MPP7: variants seen among roughly 807,000 people sequenced by gnomAD.
MPP7 encodes MAGUK p55 scaffold protein 7.
In MPP7, 60 loss-of-function variants were observed where a neutral mutation model predicts 76.5. The ratio of observed to expected loss-of-function variants is 0.78; its 90% CI spans 0.64 to 0.97. MPP7 has a LOEUF of 0.97. MPP7 is among the 50% of genes least tolerant of loss of function. The pLI is 0.00. For synonymous variants in MPP7, 237 were observed against 244.5 expected (o/e 0.97, Z 0.29); for missense variants, 641 against 694.0 (o/e 0.92, Z 0.86).
At chr10:28,241,568 T>C (rs1362028665) in intron 1 of MPP7, among the ~76,000 whole-genome samples, 1 of 152,202 alleles carries the variant, frequency 6.6e-6, no homozygotes, top group Non-Finnish European at 1.5e-5. Context: ...CTTTGGAATT[T>C]GTCGGAACGC....
At chr10:28,333,142 TTTTA>T (rs937007647) in intron 1 of MPP7, among the ~76,000 whole-genome samples, 2 of 152,116 alleles carry the variant, frequency 1.3e-5, no homozygotes, top group Non-Finnish European at 2.9e-5. Flanking sequence ...TTCTAATTCT[TTTTA>T]TTTATTTATT....
chr10:28,148,027 G>A (rs544084400), intron 4 of MPP7, among the ~76,000 whole-genome samples: 6 of 152,296 alleles, frequency 3.9e-5, no homozygotes, highest in African/African-American at 1.4e-4. Flanking sequence ...GCTGTTTAGA[G>A]CTAGGGTAAA....
intron 11 of MPP7, among the ~76,000 whole-genome samples, chr10:28,096,041 T>G (rs956459545): frequency 7.9e-5 from 12 of 152,214 alleles, no homozygotes; most frequent in Non-Finnish European, 1.2e-4. Flanking sequence ...CAGTAGAAAA[T>G]TTATGATGAC....
intron 12 of MPP7, among the ~76,000 whole-genome samples, chr10:28,083,349 C>T (rs561821975): frequency 2.6e-5 from 4 of 152,124 alleles, no homozygotes; most frequent in African/African-American, 9.7e-5. Flanking sequence ...CAGTGTCGTG[C>T]TGTACACAGG....
chr10:28,098,504 T>C (rs1469266656), intron 11 of MPP7, among the ~76,000 whole-genome samples: 2 of 151,684 alleles, frequency 1.3e-5, no homozygotes, highest in African/African-American at 4.8e-5. Flanking sequence ...TAATATTATA[T>C]ATGTTTCAAA....
At chr10:28,105,496 T>A (rs891076712) in intron 11 of MPP7, among the ~76,000 whole-genome samples, 1 of 152,144 alleles carries the variant, frequency 6.6e-6, no homozygotes, top group Non-Finnish European at 1.5e-5. Flanking sequence ...GAATCAGTTA[T>A]AATGCAGCTC....
Position 28,143,896 on chromosome 10 carries a change from TGTGTGTGA to T in MPP7, c.315+3579_315+3586del, listed in dbSNP as rs1221848351. 5.6e-3 allele frequency among the ~76,000 whole-genome samples: 469 copies of T among 84,030 alleles called. 5 individuals carry two copies. The highest frequency in any genetic ancestry group is 0.018 in the East Asian group (31 of 1,728). The allele number at this position is 84,030 out of a possible 152,430, so 55.1% of individuals were successfully genotyped here. On this transcript the variant is annotated intron_variant, in intron 5 of 16. Coordinates refer to ENST00000683449, the MANE Select transcript of MPP7 (RefSeq NM_001318170.2). ...GTGTGTGTGTGTGTGTGTGTGTGTG[TGTGTGTGA>T]GACTGAGTTTCACTCTTTCACCCAG... is the stretch of plus-strand genomic sequence containing the variant.
At chr10:28,258,546 T>C in intron 1 of MPP7, among the ~76,000 whole-genome samples, 1 of 151,210 alleles carries the variant, frequency 6.6e-6, no homozygotes, top group Non-Finnish European at 1.5e-5. Context: ...ATTACAGGCA[T>C]GCCCCACCAC....
intron 11 of MPP7, among the ~76,000 whole-genome samples, chr10:28,107,444 T>G (rs1004871468): frequency 2.0e-5 from 3 of 152,128 alleles, no homozygotes; most frequent in Non-Finnish European, 4.4e-5. Context: ...ATTCTTTCTA[T>G]TTTTGAGAGA....
At chr10:28,065,437 T>C (rs189069308) in intron 13 of MPP7, among the ~76,000 whole-genome samples, 1 of 152,316 alleles carries the variant, frequency 6.6e-6, no homozygotes, top group East Asian at 1.9e-4. Context: ...TGCCTAATTG[T>C]AATGAGTTCC....
At chr10:28,252,818 T>C (rs1427908107) in intron 1 of MPP7, among the ~76,000 whole-genome samples, 2 of 152,180 alleles carry the variant, frequency 1.3e-5, no homozygotes, top group Non-Finnish European at 2.9e-5. Context: ...CTTCCATTTC[T>C]GACATCCACG....
chr10:28,065,203 T>G (rs1050125318), intron 13 of MPP7, among the ~76,000 whole-genome samples: 23 of 152,312 alleles, frequency 1.5e-4, no homozygotes, highest in African/African-American at 5.3e-4. Flanking sequence ...ACACTTTGGT[T>G]GAAAATCTGC....
intron 1 of MPP7, among the ~76,000 whole-genome samples, chr10:28,290,590 G>C (rs756741340): frequency 2.0e-5 from 3 of 151,870 alleles, no homozygotes; most frequent in Admixed American, 2.0e-4. Context: ...CTCCTGTCTC[G>C]GCCTCCCGAG....
At chr10:28,308,574 T>C (rs1429944492) in intron 2 of MPP7, among the ~76,000 whole-genome samples, 1 of 152,216 alleles carries the variant, frequency 6.6e-6, no homozygotes, top group African/African-American at 2.4e-5. Context: ...GGATATTTCC[T>C]TTTAAGATTT....
intron 2 of MPP7, among the ~76,000 whole-genome samples, chr10:28,320,832 G>GTTTTTT (rs5784052): frequency 4.1e-4 from 61 of 148,700 alleles, no homozygotes; most frequent in African/African-American, 1.4e-3. Flanking sequence ...TTTTTTGTTT[G>GTTTTTT]TTTTTTTTTT....
chr10:28,258,274 C>T (rs921122362), intron 1 of MPP7, among the ~76,000 whole-genome samples: 1 of 148,344 alleles, frequency 6.7e-6, no homozygotes, highest in Non-Finnish European at 1.5e-5. Flanking sequence ...AAAAAAAAGG[C>T]ATTGCTGCTA....
chr10:28,120,521 A>G (rs1834801675), intron 9 of MPP7, 73 bp downstream of exon 9: 1 of 1,518,720 alleles, frequency 6.6e-7, no homozygotes, highest in Admixed American at 1.7e-5. Context: ...GTTGTGACAA[A>G]GTGGATATGT....
intron 1 of MPP7, among the ~76,000 whole-genome samples, chr10:28,299,677 A>G (rs11006998): frequency 0.12 from 17,937 of 152,144 alleles, 1,704 homozygotes; most frequent in East Asian, 0.48. Flanking sequence ...TTCAGAGAGC[A>G]AGCCTGACTA....
intron 3 of MPP7, among the ~76,000 whole-genome samples, chr10:28,169,326 TA>T (rs369848117): frequency 9.9e-4 from 147 of 148,708 alleles, no homozygotes; most frequent in Middle Eastern, 3.4e-3. Flanking sequence ...CCCTGTCTCT[TA>T]AAAAAAAAAA....
Sources: gnomAD v4.1 joint callset for allele counts (sites outside exome capture counted in the v4.1 genomes callset) on GRCh38, gnomAD v4.1.1 for gene constraint, MANE v1.5 for transcripts, NCBI Gene and HGNC (gene_info 2026-07-23, HGNC 2026-07-21) for gene names.